The following PDGFC variants were observed in gnomAD, a reference collection of about 807,000 sequenced individuals.
PDGFC encodes the protein platelet-derived growth factor C.
A neutral mutation model predicts 35.5 loss-of-function variants in PDGFC; 12 were observed. The observed-to-expected ratio is 0.34, with a 90% CI of 0.22 to 0.55. The LOEUF (loss-of-function observed/expected upper bound fraction) is 0.55, where lower values mean the gene tolerates loss of function less well. Ranked by LOEUF, PDGFC falls within the 20% of genes least tolerant of loss-of-function variation. The pLI is 0.91. For synonymous variants in PDGFC, 159 were observed against 148.8 expected, an observed-to-expected ratio of 1.07 and a Z score of -0.50; for missense variants, 322 against 412.4, an observed-to-expected ratio of 0.78 and a Z score of 1.90.
chr4:156,883,391 C>T (rs868548073), intron 1 of PDGFC, among the ~76,000 whole-genome samples: 1 of 152,034 alleles, frequency 6.6e-6, no homozygotes, highest in African/African-American at 2.4e-5. Flanking sequence ...AAAATGAACC[C>T]AGGTGATTTT....
rs145715492 is a variant in PDGFC, at chr4:156,824,599, A to T, written c.315-13582T>A. On this transcript the variant is annotated intron_variant, in intron 2 of 5. Transcript: ENST00000502773. ...CTACTTGGCTCAGCATTTCTTTCCT[A>T]TGACTGATCAGTTCCTGACATAAGT... Among the ~76,000 whole-genome samples, 998 of 152,162 alleles carry T rather than the reference A, an allele frequency of 6.6e-3. 4 individuals are homozygous for T. The highest frequency in any genetic ancestry group is 0.01 in the Middle Eastern group (3 of 294).
chr4:156,940,353 T>C (rs984229485), intron 1 of PDGFC, among the ~76,000 whole-genome samples: 3 of 152,108 alleles, frequency 2.0e-5, no homozygotes, highest in Admixed American at 1.3e-4. Context: ...GCCCTAAATA[T>C]AGGTTATGAA....
intron 1 of PDGFC, among the ~76,000 whole-genome samples, chr4:156,865,686 A>G (rs951328107): frequency 2.6e-5 from 4 of 152,188 alleles, no homozygotes; most frequent in African/African-American, 9.6e-5. Context: ...AAGTAATAAA[A>G]ATCGTGAACC....
rs1730388212 is a variant in PDGFC at position 156,761,980 on chromosome 4, G to A, written c.*1110C>T. On this transcript the variant is annotated 3_prime_UTR_variant, in exon 6 of 6. Transcript: ENST00000502773. ...CTCAGATTTCCCCAAAAAAGGAATA[G>A]GTTAGTAATGGCTGGATCTGAATGT... is the stretch of plus-strand genomic sequence containing the variant. The A allele has an allele frequency of 6.6e-6, 1 of 152,590 alleles. No individual in the cohort carries two copies. Among genetic ancestry groups the A allele is most frequent in the Admixed American group, 6.5e-5 (1 of 15,282 alleles). The allele number at this position is 152,590 out of a possible 1,614,324, so 9.5% of individuals were successfully genotyped here.
At chr4:156,842,538 T>G (rs1428494078) in intron 2 of PDGFC, among the ~76,000 whole-genome samples, 1 of 152,108 alleles carries the variant, frequency 6.6e-6, no homozygotes, top group Non-Finnish European at 1.5e-5. Context: ...CTATCAGCAT[T>G]CTCTTCCTAA....
rs1436019577 is a variant in PDGFC, at chr4:156,762,209, T to C, written c.*881A>G. 6.6e-6 allele frequency: 1 copy of C among 152,664 alleles called. No individual in the cohort carries two copies. The highest frequency in any genetic ancestry group is 1.5e-5 in the Non-Finnish European group (1 of 68,042). 9.5% of individuals were successfully genotyped at this position (152,664 alleles called of 1,614,324 possible). ...GAGCAACAATATTTTATATCATCTT[T>C]GTTCCTCTGGCTATAACAATTGTGT... is the stretch of plus-strand genomic sequence containing the variant. On this transcript the variant is annotated 3_prime_UTR_variant, in exon 6 of 6. Coordinates refer to ENST00000502773, the MANE Select transcript of PDGFC (RefSeq NM_016205.3).
At chr4:156,861,689 G>A (rs1397053154) in intron 1 of PDGFC, among the ~76,000 whole-genome samples, 6 of 151,980 alleles carry the variant, frequency 3.9e-5, no homozygotes, top group Admixed American at 3.9e-4. Flanking sequence ...CTTTAAGGGA[G>A]CGGGTCTTGG....
intron 1 of PDGFC, among the ~76,000 whole-genome samples, chr4:156,862,400 T>G (rs554198890): frequency 6.6e-6 from 1 of 152,280 alleles, no homozygotes; most frequent in African/African-American, 2.4e-5. Flanking sequence ...ATAAAGAGAA[T>G]AAACTGAAGA....
chr4:156,821,356 A>G (rs1732252889), intron 2 of PDGFC, among the ~76,000 whole-genome samples: 1 of 151,836 alleles, frequency 6.6e-6, no homozygotes, highest in Non-Finnish European at 1.5e-5. Flanking sequence ...CAGCCTCCCA[A>G]GCAGCTGGGA....
chr4:156,926,512 G>A (rs1731418017), intron 1 of PDGFC, among the ~76,000 whole-genome samples: 2 of 152,094 alleles, frequency 1.3e-5, no homozygotes, highest in Non-Finnish European at 2.9e-5. Flanking sequence ...TTGCATTCCA[G>A]CAACATTTGG....
chr4:156,928,809 A>G (rs1392367990), intron 1 of PDGFC, among the ~76,000 whole-genome samples: 4 of 152,252 alleles, frequency 2.6e-5, no homozygotes, highest in African/African-American at 9.6e-5. Flanking sequence ...ATTGCTTACA[A>G]GAGATTCCAC....
chr4:156,891,259 G>A (rs567746185), intron 1 of PDGFC, among the ~76,000 whole-genome samples: 31 of 113,090 alleles, frequency 2.7e-4, no homozygotes, highest in African/African-American at 1.0e-3. Context: ...CAGCCTGGGC[G>A]ACAGAGCGAG....
At chr4:156,954,459 C>A (rs1407977523) in intron 1 of PDGFC, among the ~76,000 whole-genome samples, 1 of 151,862 alleles carries the variant, frequency 6.6e-6, no homozygotes, top group Non-Finnish European at 1.5e-5. Context: ...TGAGTTATAT[C>A]TTATGTTAAC....
chr4:156,803,562 A>C (rs1472674901), intron 3 of PDGFC, among the ~76,000 whole-genome samples: 5 of 152,142 alleles, frequency 3.3e-5, no homozygotes, highest in Admixed American at 3.3e-4. Context: ...AGCATGTTAA[A>C]TAGAGTCGTA....
intron 3 of PDGFC, among the ~76,000 whole-genome samples, chr4:156,810,008 C>T (rs1035298688): frequency 2.0e-5 from 3 of 151,722 alleles, no homozygotes; most frequent in African/African-American, 7.3e-5. Flanking sequence ...CTCAACGCCA[C>T]CCTAGCCTAA....
intron 1 of PDGFC, among the ~76,000 whole-genome samples, chr4:156,904,916 T>C (rs887234536): frequency 1.3e-5 from 2 of 152,142 alleles, no homozygotes; most frequent in South Asian, 2.1e-4. Flanking sequence ...TGGCATATAA[T>C]ATTTGCCCAA....
Position 156,965,931 on chromosome 4 carries a change from G to T in PDGFC, c.118+4855C>A, listed in dbSNP as rs141190499. On this transcript the variant is annotated intron_variant, in intron 1 of 5. Transcript: ENST00000502773. ...ATCGATCAGGACAGAGGCCAGCAGG[G>T]TTGCAGAAGTATCTCAGAGGCCTTA... Among the ~76,000 whole-genome samples the T allele has an allele frequency of 6.0e-3, 918 of 152,240 alleles. 12 individuals are homozygous for T. The highest frequency in any genetic ancestry group is 0.018 in the African/African-American group (760 of 41,552).
chr4:156,960,259 T>C (rs970647432), intron 1 of PDGFC, among the ~76,000 whole-genome samples: 1 of 146,648 alleles, frequency 6.8e-6, no homozygotes, highest in Non-Finnish European at 1.5e-5. Flanking sequence ...CTGTTATATA[T>C]ATATATATAT....
At chr4:156,790,983 T>C (rs1731284956) in intron 3 of PDGFC, among the ~76,000 whole-genome samples, 1 of 152,166 alleles carries the variant, frequency 6.6e-6, no homozygotes. Context: ...TGCCAATGAT[T>C]CCTCAGGCAA....
Sources: gnomAD v4.1 joint callset for allele counts (sites outside exome capture counted in the v4.1 genomes callset) on GRCh38, gnomAD v4.1.1 for gene constraint, MANE v1.5 for transcripts, NCBI Gene and HGNC (gene_info 2026-07-23, HGNC 2026-07-21) for gene names.